CCDC60: variants seen among roughly 807,000 people sequenced by gnomAD.
CCDC60 encodes coiled-coil domain-containing protein 60.
CCDC60 carries 54 observed loss-of-function variants against 63.5 expected under a neutral mutation model. That is an observed-to-expected ratio of 0.85 (90% CI 0.68 to 1.07). CCDC60 has a LOEUF of 1.07. Among genes scored for constraint, CCDC60 ranks in the 50% least tolerant of loss-of-function variants. The pLI is 0.00. For synonymous variants in CCDC60, 206 were observed against 238.8 expected (o/e 0.86, Z 1.27); for missense variants, 651 against 684.3 (o/e 0.95, Z 0.54).
chr12:119,486,669 A>G (rs1226163080), intron 4 of CCDC60, among the ~76,000 whole-genome samples: 1 of 152,184 alleles, frequency 6.6e-6, no homozygotes, highest in East Asian at 1.9e-4. Context: ...AGTTTTCCAA[A>G]GACCTGGTGG....
At chr12:119,524,848 T>C (rs1952643912) in intron 11 of CCDC60, among the ~76,000 whole-genome samples, 1 of 151,488 alleles carries the variant, frequency 6.6e-6, no homozygotes, top group South Asian at 2.1e-4. Flanking sequence ...GGGGTATTTT[T>C]ACAGATAGGG....
At chr12:119,503,497 G>A (rs1342476816) in intron 6 of CCDC60, among the ~76,000 whole-genome samples, 1 of 152,158 alleles carries the variant, frequency 6.6e-6, no homozygotes, top group Non-Finnish European at 1.5e-5. Context: ...TGAAGATCTG[G>A]TTAAATCCAG....
intron 2 of CCDC60, among the ~76,000 whole-genome samples, chr12:119,431,829 C>A (rs1404043424): frequency 6.6e-6 from 1 of 152,154 alleles, no homozygotes; most frequent in African/African-American, 2.4e-5. Context: ...CAGGAGCCCA[C>A]CACCACGCCT....
At chr12:119,425,383 T>C (rs1367835559) in intron 1 of CCDC60, among the ~76,000 whole-genome samples, 1 of 152,210 alleles carries the variant, frequency 6.6e-6, no homozygotes, top group Non-Finnish European at 1.5e-5. Flanking sequence ...CTGATCTTGA[T>C]ACCTCAAAAG....
intron 11 of CCDC60, among the ~76,000 whole-genome samples, chr12:119,527,646 T>TTTTCTTTC (rs774904260): frequency 2.9e-5 from 4 of 136,204 alleles, no homozygotes; most frequent in East Asian, 4.6e-4. Flanking sequence ...AGACTTTGTT[T>TTTTCTTTC]TTTCTTTCTT....
At chr12:119,482,109 C>CACACATATATATACATATATAT (rs1265695951) in intron 4 of CCDC60, among the ~76,000 whole-genome samples, 1 of 142,218 alleles carries the variant, frequency 7.0e-6, no homozygotes, top group Non-Finnish European at 1.5e-5. Context: ...CACATATATA[C>CACACATATATATACATATATAT]ACACATATAT....
intron 13 of CCDC60, among the ~76,000 whole-genome samples, chr12:119,535,445 G>C (rs778346378): frequency 6.6e-5 from 10 of 152,010 alleles, no homozygotes; most frequent in Non-Finnish European, 1.5e-4. Context: ...GTTATTTCTT[G>C]TCTTCTGCTA....
intron 1 of CCDC60, among the ~76,000 whole-genome samples, chr12:119,371,172 A>G (rs1955894366): frequency 6.6e-6 from 1 of 152,210 alleles, no homozygotes; most frequent in South Asian, 2.1e-4. Context: ...TTAAACCACC[A>G]TCACTGGGGA....
chr12:119,357,123 A>G (rs1955726082), intron 1 of CCDC60, among the ~76,000 whole-genome samples: 1 of 152,206 alleles, frequency 6.6e-6, no homozygotes, highest in Non-Finnish European at 1.5e-5. Context: ...ATTGAAATGT[A>G]ATATTTGTAA....
chr12:119,490,033 T>G (rs891637514), intron 5 of CCDC60, among the ~76,000 whole-genome samples: 2 of 152,206 alleles, frequency 1.3e-5, no homozygotes, highest in Admixed American at 6.5e-5. Flanking sequence ...CTTGACCTCA[T>G]GATCCGCCTG....
intron 1 of CCDC60, among the ~76,000 whole-genome samples, chr12:119,360,173 C>G (rs1408523568): frequency 2.0e-5 from 3 of 150,278 alleles, no homozygotes; most frequent in Non-Finnish European, 4.4e-5. Context: ...CTGACCCCCC[C>G]CCACCTCCCT....
intron 1 of CCDC60, among the ~76,000 whole-genome samples, chr12:119,374,777 G>A (rs1955934201): frequency 6.6e-6 from 1 of 152,178 alleles, no homozygotes; most frequent in Non-Finnish European, 1.5e-5. Context: ...TCTGGGAAAG[G>A]GGCAGGCAAT....
chr12:119,381,582 T>G (rs1019559377), intron 1 of CCDC60, among the ~76,000 whole-genome samples: 4 of 152,238 alleles, frequency 2.6e-5, no homozygotes, highest in African/African-American at 7.2e-5. Context: ...TAGTAATCAC[T>G]GCTCCCTACT....
At chr12:119,437,817 G>T (rs1176033689) in intron 2 of CCDC60, among the ~76,000 whole-genome samples, 1 of 152,196 alleles carries the variant, frequency 6.6e-6, no homozygotes, top group African/African-American at 2.4e-5. Flanking sequence ...TTTATAAGTT[G>T]TTCAATATCT....
intron 2 of CCDC60, among the ~76,000 whole-genome samples, chr12:119,455,385 G>A (rs1180867931): frequency 6.6e-6 from 1 of 152,174 alleles, no homozygotes; most frequent in South Asian, 2.1e-4. Context: ...AGTGTGCTGA[G>A]TGTAATAATA....
chr12:119,396,069 C>A (rs1166529727), intron 1 of CCDC60, among the ~76,000 whole-genome samples: 1 of 152,046 alleles, frequency 6.6e-6, no homozygotes, highest in Non-Finnish European at 1.5e-5. Flanking sequence ...TCCCAAGTAG[C>A]TGGGATTACA....
At chr12:119,368,996 A>G (rs1955871766) in intron 1 of CCDC60, among the ~76,000 whole-genome samples, 1 of 152,184 alleles carries the variant, frequency 6.6e-6, no homozygotes, top group South Asian at 2.1e-4. Flanking sequence ...GACAATGCCT[A>G]TTCTCTTTGG....
intron 1 of CCDC60, among the ~76,000 whole-genome samples, chr12:119,338,312 A>G (rs1955495167): frequency 6.6e-6 from 1 of 152,214 alleles, no homozygotes; most frequent in Admixed American, 6.5e-5. Context: ...TAATAACTGC[A>G]GTCATGATCA....
chr12:119,463,070 C>T (rs567312451), intron 2 of CCDC60, among the ~76,000 whole-genome samples: 7 of 152,258 alleles, frequency 4.6e-5, no homozygotes, highest in African/African-American at 7.2e-5. Context: ...GTGATCCACC[C>T]GCCTTGGCCT....
Sources: allele counts gnomAD v4.1 joint callset (sites outside exome capture counted in the v4.1 genomes callset), GRCh38; gene constraint gnomAD v4.1.1; transcripts MANE v1.5; gene names NCBI Gene and HGNC (gene_info 2026-07-23, HGNC 2026-07-21).